The following COPZ2 variants were observed in gnomAD, a reference collection of about 807,000 sequenced individuals.
COPZ2 encodes the protein coat protein complex I subunit zeta 2.
COPZ2 carries 30 observed loss-of-function variants against 33.2 expected under a neutral mutation model. That is an observed-to-expected ratio of 0.90 (90% confidence interval 0.68 to 1.23). The LOEUF is 1.23. Among genes scored for constraint, COPZ2 ranks in the 50% most tolerant of loss-of-function variants. The pLI, the probability that COPZ2 is intolerant of heterozygous loss-of-function variation, is 0.00. For synonymous variants in COPZ2, 89 were observed against 102.6 expected (o/e 0.87, Z 0.80); for missense variants, 263 against 262.4 (o/e 1.00, Z -0.02).
chr17:48,040,145 C>G (rs2037047978), upstream of COPZ2, among the ~76,000 whole-genome samples: 1 of 145,008 alleles, frequency 6.9e-6, no homozygotes, highest in Non-Finnish European at 1.5e-5. Context: ...CACACACACA[C>G]ACACACACAA....
chr17:48,046,586 C>T, the COPZ2 span: 1 of 152,324 alleles, frequency 6.6e-6, no homozygotes, highest in Admixed American at 6.5e-5. Flanking sequence ...GTTTAAAATA[C>T]TTCCTTCTCA....
chr17:48,037,951 C>T (rs1193014302), upstream of COPZ2: 2 of 700,568 alleles, frequency 2.9e-6, no homozygotes, highest in East Asian at 1.3e-4. The surrounding 1 kb of genome is among the most constrained non-coding windows in gnomAD (Gnocchi z 5.6). Context: ...CTCTCCTTCC[C>T]CCACTTCTCC....
rs1170472258 is a variant in COPZ2, at chr17:48,026,442, A to G, written c.619T>C (p.Ser207Pro). Residue 207 changes from serine (S) to proline (P), a missense_variant, in exon 9 of 9, where the codon TCG becomes CCG. By Grantham distance (74) the Ser-to-Pro change is moderately conservative. Coordinates refer to ENST00000621465, the MANE Select transcript of COPZ2 (RefSeq NM_016429.4). ...ATCCACAGCCTTCATTTCAATAACGACCATTTAATTTGTTCCTTGGCAGAC... is the reference window on the plus strand; with the variant it reads ...ATCCACAGCCTTCATTTCAATAACGGCCATTTAATTTGTTCCTTGGCAGAC... ...LQSAKEQIKW[S>P]LLK 5 of 1,612,946 alleles carry G rather than the reference A, an allele frequency of 3.1e-6. No individual in the cohort carries two copies. The highest frequency in any genetic ancestry group is 3.4e-6 in the Non-Finnish European group (4 of 1,179,234).
intron 5 of COPZ2, 103 bp downstream of exon 5, chr17:48,032,583 T>C (rs2144303231): frequency 1.1e-6 from 1 of 948,492 alleles, no homozygotes; most frequent in East Asian, 2.6e-5. Flanking sequence ...TTTTGGATTA[T>C]CTTAGTCTTG....
At chr17:48,038,298 G>C (rs923743335), upstream of COPZ2, among the ~76,000 whole-genome samples, 7 of 152,174 alleles carry the variant, frequency 4.6e-5, no homozygotes, top group Non-Finnish European at 8.8e-5. Context: ...ACTACTTGCA[G>C]AAGGCAACCA....
In COPZ2 at chr17:48,035,753, CT is replaced by C. The variant is rs368011148; in HGVS notation, c.186+1097del. On this transcript the variant is annotated intron_variant, in intron 2 of 8. Coordinates refer to ENST00000621465, the MANE Select transcript of COPZ2 (RefSeq NM_016429.4). The stretch of plus-strand genomic sequence containing the variant: ...AACACATTTCTTTTCTTTTTCTTTT[CT>C]TTTTTTTTTTTTTTTTGAGACAGAG... 1.6e-3 allele frequency among the ~76,000 whole-genome samples: 205 copies of C among 131,492 alleles called. 1 individual carries two copies. Among genetic ancestry groups the C allele is most frequent in the South Asian group, 8.1e-3 (33 of 4,054 alleles). 86.3% of individuals were successfully genotyped at this position (131,492 alleles called of 152,430 possible). A position where few individuals can be genotyped will look rare whatever the true frequency, so the allele number is the denominator to read the frequency against.
Position 48,037,716 on chromosome 17 carries a change from G to T in COPZ2, c.62C>A (p.Ala21Asp), listed in dbSNP as rs2037012315. The T allele has an allele frequency of 2.8e-6, 3 of 1,080,742 alleles. No individual in the cohort carries two copies. Among genetic ancestry groups the T allele is most frequent in the Non-Finnish European group, 3.4e-6 (3 of 893,876 alleles). The allele number at this position is 1,080,742 out of a possible 1,614,324, so 66.9% of individuals were successfully genotyped here. Residue 21 changes from alanine to aspartate, a missense_variant, in exon 1 of 9, where the codon GCC becomes GAC. Coordinates refer to ENST00000621465, the MANE Select transcript of COPZ2 (RefSeq NM_016429.4). The surrounding 1 kb of genome is among the most constrained non-coding windows in gnomAD (Gnocchi z 5.6). Reference protein sequence around the residue: ...HPGEGAAAAQAGGPAPPARAG... With the variant: ...HPGEGAAAAQDGGPAPPARAG... Reference sequence around the variant, plus strand: ...TCGAGCAGGCGGCGCCGGGCCCCCGGCCTGGGCCGCCGCGGCCCCCTCCCC... The same window carrying T: ...TCGAGCAGGCGGCGCCGGGCCCCCGTCCTGGGCCGCCGCGGCCCCCTCCCC...
chr17:48,031,952 CTT>C, intron 6 of COPZ2: 1 of 603,678 alleles, frequency 1.7e-6, no homozygotes, highest in Non-Finnish European at 3.0e-6. Context: ...TTTGGCTTGA[CTT>C]TGGCTAACAT....
At chr17:48,040,310 C>T (rs2037049573), upstream of COPZ2, among the ~76,000 whole-genome samples, 1 of 152,008 alleles carries the variant, frequency 6.6e-6, no homozygotes, top group African/African-American at 2.4e-5. Flanking sequence ...TGGGATCAAG[C>T]CCTCCTCCTG....
upstream of COPZ2, among the ~76,000 whole-genome samples, chr17:48,038,313 C>G (rs1234193431): frequency 6.6e-6 from 1 of 152,154 alleles, no homozygotes; most frequent in Admixed American, 6.5e-5. Flanking sequence ...CAACCATGGG[C>G]CCGGAGACAC....
At chr17:48,040,073 G>A (rs528200998), upstream of COPZ2, among the ~76,000 whole-genome samples, 12 of 151,934 alleles carry the variant, frequency 7.9e-5, no homozygotes, top group Non-Finnish European at 1.3e-4. Context: ...AGTGACCCGA[G>A]ACCGCACTAC....
chr17:48,036,065 T>A (rs1246754630), intron 2 of COPZ2, among the ~76,000 whole-genome samples: 1 of 152,224 alleles, frequency 6.6e-6, no homozygotes, highest in Admixed American at 6.5e-5. Context: ...TTATAATGCA[T>A]TTCATAGCTA....
chr17:48,044,741 A>G, the COPZ2 span, among the ~76,000 whole-genome samples: 3 of 152,176 alleles, frequency 2.0e-5, no homozygotes, highest in Non-Finnish European at 4.4e-5. Context: ...TTTACCATAT[A>G]AGAGAGAGGG....
Position 48,037,652 on chromosome 17 carries a change from C to A in COPZ2, c.111+15G>T. 9.2e-7 allele frequency: 1 copy of A among 1,092,230 alleles called. No individual in the cohort carries two copies. The highest frequency in any genetic ancestry group is 4.1e-5 in the South Asian group (1 of 24,154). The allele number at this position is 1,092,230 out of a possible 1,614,324, so 67.7% of individuals were successfully genotyped here. A position where few individuals can be genotyped will look rare whatever the true frequency, so the allele number is the denominator to read the frequency against. Reference sequence around the variant, plus strand: ...CTCCCGCCGCCCGGGATCCCCGCGCCCGCCCGCTCCGTACCCGCAGCCCCG... The same window carrying A: ...CTCCCGCCGCCCGGGATCCCCGCGCACGCCCGCTCCGTACCCGCAGCCCCG... On this transcript the variant is annotated intron_variant, in intron 1 of 8. Transcript: ENST00000621465. The surrounding 1 kb of genome is among the most constrained non-coding windows in gnomAD (Gnocchi z 5.6).
In COPZ2 at chr17:48,037,152, G is replaced by A. The variant is rs547445418; in HGVS notation, c.112-227C>T. The A allele has an allele frequency of 1.2e-5, 9 of 758,158 alleles. No individual in the cohort carries two copies. In the African/African-American group the frequency reaches 1.5e-4, roughly 13 times the overall value. 47.0% of individuals were successfully genotyped at this position (758,158 alleles called of 1,614,324 possible). Reference sequence around the variant, plus strand: ...CCCCGAGTGGGCGCTGTGCCCGTTGGGTGCAGAAGGTCCTTCCGGGCCCAA... The same window carrying A: ...CCCCGAGTGGGCGCTGTGCCCGTTGAGTGCAGAAGGTCCTTCCGGGCCCAA... On this transcript the variant is annotated intron_variant, in intron 1 of 8. Transcript: ENST00000621465. This position sits in a 1 kb window ranked among gnomAD's most constrained non-coding sequence, Gnocchi z 5.6.
At chr17:48,035,539 G>GCA (rs1335455581) in intron 2 of COPZ2, among the ~76,000 whole-genome samples, 1 of 151,992 alleles carries the variant, frequency 6.6e-6, no homozygotes, top group African/African-American at 2.4e-5. Context: ...GGGACTACAG[G>GCA]CACACACCAC....
chr17:48,034,506 A>G (rs1205177979), intron 2 of COPZ2, among the ~76,000 whole-genome samples: 1 of 152,186 alleles, frequency 6.6e-6, no homozygotes, highest in African/African-American at 2.4e-5. Context: ...GATCTTGTAC[A>G]TTCAGCAGAT....
chr17:48,036,947 C>T (rs1488514709), intron 1 of COPZ2, 22 bp from the exon 2 acceptor site: 3 of 1,606,454 alleles, frequency 1.9e-6, no homozygotes, highest in South Asian at 2.2e-5. Flanking sequence ...GAGGAGAGTT[C>T]CGTTTGGCCC....
chr17:48,034,197 C>T (rs2036944107), intron 2 of COPZ2, among the ~76,000 whole-genome samples: 1 of 152,244 alleles, frequency 6.6e-6, no homozygotes, highest in East Asian at 1.9e-4. Flanking sequence ...CAACCTCCAC[C>T]TCCCGGGTTC....
Sources: allele counts gnomAD v4.1 joint callset (sites outside exome capture counted in the v4.1 genomes callset), GRCh38; gene constraint gnomAD v4.1.1; non-coding constraint Gnocchi (gnomAD v3.1); transcripts MANE v1.5; gene names NCBI Gene and HGNC (gene_info 2026-07-23, HGNC 2026-07-21).